SEMA3C: variants seen among roughly 807,000 people sequenced by gnomAD.
The protein encoded by SEMA3C is semaphorin-3C.
In SEMA3C, 47 loss-of-function variants were observed where a neutral mutation model predicts 89.4. The observed-to-expected ratio is 0.53, with a 90% CI of 0.42 to 0.67. The LOEUF (loss-of-function observed/expected upper bound fraction) is 0.67. Ranked by LOEUF, SEMA3C falls within the 30% of genes least tolerant of loss-of-function variation. The probability of loss-of-function intolerance (pLI) is 0.00; values close to 1 mark genes in which losing one functional copy is unlikely to be tolerated. For missense variants in SEMA3C, 839 were observed against 929.1 expected (o/e 0.90, Z 1.26); for synonymous variants, 310 against 320.2 (o/e 0.97, Z 0.34).
At position 80,758,744 on chromosome 7, in the gene SEMA3C, A is replaced by C. The variant is rs115045117; in HGVS notation, c.1486-256T>G. On this transcript the variant is annotated intron_variant, in intron 14 of 17. Coordinates refer to ENST00000265361, the MANE Select transcript of SEMA3C (RefSeq NM_006379.5). ...TATAGAATGGTAATGTGTTTTAGAC[A>C]TTGGGATTCATTGTTCTCTCAGATT... Among the ~76,000 whole-genome samples the C allele has an allele frequency of 2.8e-3, 428 of 152,328 alleles. 2 individuals are homozygous for C. The highest frequency in any genetic ancestry group is 0.01 in the African/African-American group (416 of 41,584).
chr7:80,907,199 G>C (rs1583999443), intron 2 of SEMA3C, among the ~76,000 whole-genome samples: 1 of 151,972 alleles, frequency 6.6e-6, no homozygotes, highest in Non-Finnish European at 1.5e-5. Context: ...GCTTTTAAAA[G>C]AATCAGCTTA....
chr7:80,808,708 A>G (rs1190489902), intron 6 of SEMA3C, among the ~76,000 whole-genome samples: 1 of 152,216 alleles, frequency 6.6e-6, no homozygotes, highest in Non-Finnish European at 1.5e-5. Flanking sequence ...TACATTAAAA[A>G]AAAGCAAAGA....
upstream of SEMA3C, among the ~76,000 whole-genome samples, chr7:80,920,890 A>G (rs1191776054): frequency 6.6e-6 from 1 of 152,216 alleles, no homozygotes; most frequent in African/African-American, 2.4e-5. Flanking sequence ...CTGATATCTC[A>G]TTCGGCATTT....
At chr7:80,790,587 C>T (rs978994556) in intron 11 of SEMA3C, among the ~76,000 whole-genome samples, 1 of 152,154 alleles carries the variant, frequency 6.6e-6, no homozygotes, top group African/African-American at 2.4e-5. Flanking sequence ...GATCTTAGCA[C>T]CTGCTCTTCC....
At chr7:80,799,571 G>A (rs779321313) in intron 10 of SEMA3C, among the ~76,000 whole-genome samples, 63 of 152,048 alleles carry the variant, frequency 4.1e-4, no homozygotes, top group Non-Finnish European at 6.6e-4. Flanking sequence ...GGCCAGGCAC[G>A]GTGGCTCATG....
intron 2 of SEMA3C, among the ~76,000 whole-genome samples, chr7:80,891,308 C>T (rs1248922075): frequency 1.3e-5 from 2 of 152,132 alleles, no homozygotes; most frequent in East Asian, 3.9e-4. Flanking sequence ...TAGGTCCATC[C>T]TCACTTTGCA....
chr7:80,842,207 A>G (rs1790285079), intron 2 of SEMA3C, among the ~76,000 whole-genome samples: 1 of 152,162 alleles, frequency 6.6e-6, no homozygotes, highest in African/African-American at 2.4e-5. Flanking sequence ...GCAGCTTTGA[A>G]AGCCCAAGAC....
chr7:80,862,052 T>G (rs1026244125), intron 2 of SEMA3C, among the ~76,000 whole-genome samples: 1 of 152,036 alleles, frequency 6.6e-6, no homozygotes, highest in Non-Finnish European at 1.5e-5. Context: ...ATGCACACTC[T>G]TACCACTCCT....
chr7:80,775,598 T>G (rs1788530563), intron 12 of SEMA3C, among the ~76,000 whole-genome samples: 1 of 152,078 alleles, frequency 6.6e-6, no homozygotes, highest in African/African-American at 2.4e-5. Context: ...TTTCTTAAAT[T>G]TCTTTGGTGG....
chr7:80,863,927 A>C (rs1387746137), intron 2 of SEMA3C, among the ~76,000 whole-genome samples: 1 of 126,034 alleles, frequency 7.9e-6, no homozygotes, highest in Non-Finnish European at 1.6e-5. Flanking sequence ...TATATATCAT[A>C]TATATCACAT....
chr7:80,789,602 C>G, intron 11 of SEMA3C, 74 bp from the exon 12 acceptor site: 1 of 1,052,086 alleles, frequency 9.5e-7, no homozygotes, highest in Non-Finnish European at 1.4e-6. Context: ...AAACTCTCTA[C>G]TTTTGAAATC....
chr7:80,919,906 G>A (rs1036262661), upstream of SEMA3C, among the ~76,000 whole-genome samples: 3 of 152,162 alleles, frequency 2.0e-5, no homozygotes, highest in East Asian at 3.9e-4. Flanking sequence ...CGACAATCTT[G>A]TTGCACAAGT....
At chr7:80,756,097 C>T (rs1265489046) in intron 15 of SEMA3C, among the ~76,000 whole-genome samples, 1 of 152,184 alleles carries the variant, frequency 6.6e-6, no homozygotes, top group African/African-American at 2.4e-5. Flanking sequence ...TTTCTAACTG[C>T]CTACTCAATA....
chr7:80,763,120 C>T (rs760700374), intron 13 of SEMA3C, among the ~76,000 whole-genome samples: 7 of 152,018 alleles, frequency 4.6e-5, no homozygotes, highest in Non-Finnish European at 1.0e-4. Context: ...TTAAACTCAG[C>T]GGAACTAGAC....
chr7:80,891,328 A>C (rs1206696726), intron 2 of SEMA3C, among the ~76,000 whole-genome samples: 1 of 152,134 alleles, frequency 6.6e-6, no homozygotes, highest in Non-Finnish European at 1.5e-5. Context: ...AAAACCTGTT[A>C]CTGAGTGAGT....
At chr7:80,810,228 A>G in intron 6 of SEMA3C, among the ~76,000 whole-genome samples, 1 of 152,170 alleles carries the variant, frequency 6.6e-6, no homozygotes, top group East Asian at 1.9e-4. Context: ...TTTGTCAACT[A>G]AAAACAAATA....
chr7:80,772,750 T>G (rs1788463390), intron 12 of SEMA3C, among the ~76,000 whole-genome samples: 1 of 152,198 alleles, frequency 6.6e-6, no homozygotes, highest in South Asian at 2.1e-4. Flanking sequence ...TCACAAAAGT[T>G]AAAATACTTT....
intron 9 of SEMA3C, among the ~76,000 whole-genome samples, chr7:80,801,847 C>G (rs1027350842): frequency 1.3e-5 from 2 of 152,020 alleles, no homozygotes; most frequent in Middle Eastern, 3.2e-3. Context: ...AAAAGCTTAT[C>G]TAGAAACTTT....
intron 2 of SEMA3C, among the ~76,000 whole-genome samples, chr7:80,861,272 A>G (rs1485755338): frequency 6.6e-6 from 1 of 152,178 alleles, no homozygotes; most frequent in Admixed American, 6.5e-5. Flanking sequence ...TCACAGGGCA[A>G]CAGCTTCTAG....
Sources: allele counts gnomAD v4.1 joint callset (sites outside exome capture counted in the v4.1 genomes callset), GRCh38; gene constraint gnomAD v4.1.1; transcripts MANE v1.5; gene names NCBI Gene and HGNC (gene_info 2026-07-23, HGNC 2026-07-21).